The following CLU variants were observed in gnomAD, a reference collection of about 807,000 sequenced individuals.
CLU encodes clusterin, also known as aging-associated protein 4.
A neutral mutation model predicts 46.4 loss-of-function variants in CLU; 25 were observed. The observed-to-expected ratio is 0.54, with a 90% CI of 0.39 to 0.75. The LOEUF is 0.75. Ranked by LOEUF, CLU falls within the 30% of genes least tolerant of loss-of-function variation. The pLI is 0.00. For missense variants in CLU, 504 were observed against 592.1 expected (o/e 0.85, Z 1.54); for synonymous variants, 235 against 235.1 (o/e 1.00, Z 0.00).
At chr8:27,607,911 C>T (rs1563387752) in intron 3 of CLU, among the ~76,000 whole-genome samples, 3 of 152,204 alleles carry the variant, frequency 2.0e-5, no homozygotes, top group Admixed American at 1.3e-4. Flanking sequence ...CTCACCTACT[C>T]CTCAACTAAG....
At chr8:27,602,740 T>TA (rs2128908556) in intron 6 of CLU, among the ~76,000 whole-genome samples, 1 of 152,234 alleles carries the variant, frequency 6.6e-6, no homozygotes, top group African/African-American at 2.4e-5. Context: ...TAGCTCAGCT[T>TA]AGAGAATTAT....
intron 1 of CLU, chr8:27,611,222 G>C (rs536581500): frequency 2.2e-6 from 1 of 454,214 alleles, no homozygotes; most frequent in Non-Finnish European, 4.4e-6. Context: ...CCTAGTGGGA[G>C]ACTTGGGCCG....
At position 27,606,538 on chromosome 8, in the gene CLU, C is replaced by T. The variant is rs1254793222; in HGVS notation, c.247-14G>A. 5 of 1,613,928 alleles carry T rather than the reference C, an allele frequency of 3.1e-6. No individual in the cohort carries two copies. Among genetic ancestry groups the T allele is most frequent in the East Asian group, 2.2e-5 (1 of 44,898 alleles). ...ATTTAGGGCATCCTACAGGAAGACA[C>T]AAGGCTGGCTGAGCCACACAGAGAC... On this transcript the variant is annotated splice_polypyrimidine_tract_variant and intron_variant, in intron 3 of 8. Transcript: ENST00000316403.
chr8:27,610,028 A>G (rs1053827187), intron 2 of CLU, among the ~76,000 whole-genome samples: 1 of 152,168 alleles, frequency 6.6e-6, no homozygotes, highest in African/African-American at 2.4e-5. Context: ...CCAGCTGAGA[A>G]GAGGTGAAAC....
Position 27,605,058 on chromosome 8 carries a change from A to C in CLU, c.695T>G (p.Phe232Cys). The change falls in exon 5 of 9, where the codon TTC (phenylalanine) becomes TGC (cysteine). Residue 232 changes from phenylalanine (F) to cysteine (C), a missense_variant. Around this residue, in one of 3 missense-constraint regions of CLU, gnomAD observed 428 missense variants for 484.0 expected, o/e 0.88. Coordinates refer to ENST00000316403, the MANE Select transcript of CLU (RefSeq NM_001831.4). ...KSRIVRSLMP[F>C]SPYEPLNFHA... ...GAAGTTCAGGGGCTCGTACGGAGAG[A>C]AGGGCATCAAGCTGCGGACGATGCG... The C allele has an allele frequency of 6.2e-7, 1 of 1,613,994 alleles. No individual in the cohort carries two copies. Among genetic ancestry groups the C allele is most frequent in the Non-Finnish European group, 8.5e-7 (1 of 1,179,998 alleles).
rs572165852 is a variant in CLU, at chr8:27,597,582, A to G, written c.*659T>C. ...GGACTTCTGGGCACCAAATGTTTTC[A>G]TAACGAAAACATCAATTATGCATTA... On this transcript the variant is annotated 3_prime_UTR_variant, in exon 9 of 9. Transcript: ENST00000316403. 4 of 454,070 alleles carry G rather than the reference A, an allele frequency of 8.8e-6. No individual in the cohort carries two copies. Among genetic ancestry groups the G allele is most frequent in the Non-Finnish European group, 1.8e-5 (4 of 226,812 alleles). 28.1% of individuals were successfully genotyped at this position (454,070 alleles called of 1,614,324 possible).
At position 27,610,022 on chromosome 8, in the gene CLU, C is replaced by T. The variant is rs1291168111; in HGVS notation, c.97+453G>A. 2.6e-5 allele frequency among the ~76,000 whole-genome samples: 4 copies of T among 152,182 alleles called. No individual in the cohort carries two copies. The East Asian group carries it at 7.7e-4, about 29-fold the overall frequency. ...AAGATAGTGGCCCAAAGTCACCCAG[C>T]TGAGAAGAGGTGAAACAGACTCACA... On this transcript the variant is annotated intron_variant, in intron 2 of 8. Transcript: ENST00000316403.
Position 27,598,221 on chromosome 8 carries a change from G to A in CLU, c.*20C>T. The A allele has an allele frequency of 1.9e-6, 3 of 1,613,400 alleles. No homozygotes were observed. The highest frequency in any genetic ancestry group is 2.5e-6 in the Non-Finnish European group (3 of 1,179,528). On this transcript the variant is annotated 3_prime_UTR_variant, in exon 9 of 9. Transcript: ENST00000316403. Reference sequence around the variant, plus strand: ...GCTGGACTCAGATGCCCCCGTAGGTGCAAAAGCAACATCCACATCTCACTC... The same window carrying A: ...GCTGGACTCAGATGCCCCCGTAGGTACAAAAGCAACATCCACATCTCACTC...
intron 6 of CLU, chr8:27,604,090 C>G (rs1208653810): frequency 6.6e-6 from 4 of 604,930 alleles, no homozygotes; most frequent in Non-Finnish European, 1.2e-5. Flanking sequence ...GGGACAGCCT[C>G]GCATCATCAT....
Position 27,610,506 on chromosome 8 carries a change from C to T in CLU, c.66G>A (p.Gly22=). The stretch of plus-strand genomic sequence containing the variant: ...GCTCATTGTCTGAGACCGTCTGGTC[C>T]CCCAGGACCTGCCCACTCTCCCAGG... The part of the protein sequence containing the change: ...LLTWESGQVL[G]DQTVSDNELQ... The change falls in exon 2 of 9, where the codon GGG becomes GGA. Residue 22 remains glycine (G), a synonymous_variant. Transcript: ENST00000316403. 3.1e-6 allele frequency: 5 copies of T among 1,614,200 alleles called. No homozygotes were observed. Among genetic ancestry groups the T allele is most frequent in the Non-Finnish European group, 4.2e-6 (5 of 1,180,002 alleles).
In CLU at chr8:27,598,135, G is replaced by C; in HGVS notation, c.*106C>G. ...CGGAGTTGGGGGCCTGGAGGCTGGG[G>C]CCTGGTTACTTGGTGACGTGCAGAG... On this transcript the variant is annotated 3_prime_UTR_variant, in exon 9 of 9. Transcript: ENST00000316403. The C allele has an allele frequency of 8.6e-7, 1 of 1,165,834 alleles. No homozygotes were observed. Among genetic ancestry groups the C allele is most frequent in the Non-Finnish European group, 1.3e-6 (1 of 783,536 alleles). 72.2% of individuals were successfully genotyped at this position (1,165,834 alleles called of 1,614,324 possible).
intron 3 of CLU, chr8:27,608,604 G>A (rs1028113002): frequency 4.1e-6 from 2 of 491,836 alleles, no homozygotes; most frequent in Non-Finnish European, 3.7e-6. Flanking sequence ...CTGAAGGTTG[G>A]ACGCCACGCC....
At chr8:27,603,861 C>G (rs1800764862) in intron 6 of CLU, among the ~76,000 whole-genome samples, 1 of 152,212 alleles carries the variant, frequency 6.6e-6, no homozygotes, top group African/African-American at 2.4e-5. Context: ...GTGTTTAGAA[C>G]AGTGCCTGGC....
At chr8:27,605,477 C>G in intron 4 of CLU, 142 bp from the exon 5 acceptor site, 1 of 797,826 alleles carries the variant, frequency 1.3e-6, no homozygotes, top group South Asian at 1.5e-5. Context: ...CCAGCTGGGA[C>G]CAGCCCCCAG....
At chr8:27,603,427 T>G (rs950653544) in intron 6 of CLU, among the ~76,000 whole-genome samples, 4 of 152,152 alleles carry the variant, frequency 2.6e-5, no homozygotes, top group African/African-American at 9.7e-5. Context: ...AACTAAGCAT[T>G]AAGTAAGAGC....
chr8:27,609,537 GA>G (rs1800884741), intron 2 of CLU, among the ~76,000 whole-genome samples: 2 of 152,216 alleles, frequency 1.3e-5, no homozygotes. Context: ...ACAGGAATAA[GA>G]AGATGAGTAA....
chr8:27,611,519 G>A (rs1458495274), intron 1 of CLU: 1 of 457,538 alleles, frequency 2.2e-6, no homozygotes, highest in African/African-American at 2.0e-5. Context: ...CAGAAGCTGA[G>A]GCTGTTGCAT....
At chr8:27,614,133 T>C (rs1221335555) in intron 1 of CLU, 1 of 152,276 alleles carries the variant, frequency 6.6e-6, no homozygotes, top group Admixed American at 6.5e-5. Flanking sequence ...CGGATTTCGG[T>C]GGTTGCAGCA....
In CLU at chr8:27,599,815, G is replaced by A. The variant is rs1800684818; in HGVS notation, c.1129C>T (p.Gln377Ter). Reference protein sequence around the residue: ...NWVSRLANLTQGEDQYYLRVT... With the variant: ...NWVSRLANLT Reference sequence around the variant, plus strand: ...CGCAGATAGTACTGGTCTTCGCCTTGCGTGAGGTTTGCCAGCCGGGACACC... The same window carrying A: ...CGCAGATAGTACTGGTCTTCGCCTTACGTGAGGTTTGCCAGCCGGGACACC... Residue 377 changes from glutamine to a stop codon, truncating the protein, a stop_gained, in exon 7 of 9, where the codon CAA (glutamine) becomes TAA (stop). Transcript: ENST00000316403. LOFTEE classifies it high-confidence loss of function. This position sits in a 1 kb window ranked among gnomAD's most constrained non-coding sequence, Gnocchi z 4.0. 6.2e-7 allele frequency: 1 copy of A among 1,613,694 alleles called. No individual in the cohort carries two copies. Among genetic ancestry groups the A allele is most frequent in the Non-Finnish European group, 8.5e-7 (1 of 1,179,806 alleles).
Sources: allele counts gnomAD v4.1 joint callset (sites outside exome capture counted in the v4.1 genomes callset), GRCh38; gene constraint gnomAD v4.1.1; regional missense constraint gnomAD v4.1.1; non-coding constraint Gnocchi (gnomAD v3.1); transcripts MANE v1.5; gene names NCBI Gene and HGNC (gene_info 2026-07-23, HGNC 2026-07-21).